Variants in CPB2 observed in about 807,000 individuals in gnomAD.
CPB2 encodes carboxypeptidase B2.
A neutral mutation model predicts 57.0 loss-of-function variants in CPB2; 54 were observed. The ratio of observed to expected loss-of-function variants is 0.95; its 90% CI spans 0.76 to 1.19. CPB2 has a LOEUF of 1.19. CPB2 is among the 50% of genes most tolerant of loss of function. The pLI, the probability that CPB2 is intolerant of heterozygous loss-of-function variation, is 0.00. For missense variants in CPB2, 426 were observed against 512.0 expected (o/e 0.83, Z 1.62); for synonymous variants, 189 against 178.1 (o/e 1.06, Z -0.49).
chr13:46,102,715 G>A (rs1271125275), intron 1 of CPB2, among the ~76,000 whole-genome samples: 2 of 151,562 alleles, frequency 1.3e-5, no homozygotes, highest in Non-Finnish European at 2.9e-5. Flanking sequence ...TCCTGGAAAA[G>A]TGGAGCACAG....
chr13:46,057,415 A>G (rs1023041318), intron 9 of CPB2, among the ~76,000 whole-genome samples: 26 of 152,306 alleles, frequency 1.7e-4, no homozygotes, highest in Admixed American at 6.5e-4. Flanking sequence ...AGAAAAAAAA[A>G]TGAGTCACTA....
At chr13:46,090,306 T>A (rs2045272611) in intron 1 of CPB2, among the ~76,000 whole-genome samples, 1 of 151,968 alleles carries the variant, frequency 6.6e-6, no homozygotes, top group Admixed American at 6.6e-5. Flanking sequence ...ACAGATATAC[T>A]CATGATTCTG....
intron 5 of CPB2, among the ~76,000 whole-genome samples, chr13:46,076,187 TGGAA>T (rs1423843466): frequency 6.6e-6 from 1 of 152,058 alleles, no homozygotes; most frequent in Non-Finnish European, 1.5e-5. Flanking sequence ...GCATCTAAAT[TGGAA>T]GGGAAAAATC....
chr13:46,078,170 G>A (rs2045053217), intron 5 of CPB2, among the ~76,000 whole-genome samples: 1 of 151,626 alleles, frequency 6.6e-6, no homozygotes, highest in African/African-American at 2.4e-5. Context: ...AGGAGGGAGG[G>A]AGAAAAAAAA....
In CPB2 at chr13:46,055,806, C is replaced by A. The variant is rs1214952839; in HGVS notation, c.1043G>T (p.Ser348Ile). ...GCCATGTGTATACCTGGTATTTTTACTAATTTTCTCAATAGCACGAACTGC... is the reference window on the plus strand; with the variant it reads ...GCCATGTGTATACCTGGTATTTTTAATAATTTTCTCAATAGCACGAACTGC... ...SEAVRAIEKI[S>I]KNTRYTHGHG... is the part of the protein sequence containing the mutation. The change falls in exon 10 of 11, where the codon AGT becomes ATT. Residue 348 changes from serine to isoleucine, a missense_variant. Ser to Ile is a moderately radical substitution (Grantham distance 142). Transcript: ENST00000181383. 1 of 1,604,334 alleles carries A rather than the reference C, an allele frequency of 6.2e-7. No individual in the cohort carries two copies. The highest frequency in any genetic ancestry group is 1.3e-5 in the African/African-American group (1 of 74,648).
At chr13:46,053,926 A>G (rs1018415392) in intron 10 of CPB2, 128 bp from the exon 11 acceptor site, 1 of 840,888 alleles carries the variant, frequency 1.2e-6, no homozygotes, top group Non-Finnish European at 1.8e-6. Context: ...TAACTAATAT[A>G]AACAACTTTA....
chr13:46,093,712 C>T (rs913156933), intron 1 of CPB2, among the ~76,000 whole-genome samples: 38 of 152,042 alleles, frequency 2.5e-4, no homozygotes, highest in Non-Finnish European at 4.6e-4. Context: ...ATAAACAACA[C>T]ATTGTTAGCT....
chr13:46,078,906 C>A lies in CPB2; in HGVS notation c.385-5G>T. The A allele has an allele frequency of 6.3e-7, 1 of 1,576,910 alleles. No homozygotes were observed. The highest frequency in any genetic ancestry group is 2.2e-5 in the East Asian group (1 of 44,674). On this transcript the variant is annotated splice_polypyrimidine_tract_variant and splice_region_variant and intron_variant, in intron 4 of 10. Coordinates refer to ENST00000181383, the MANE Select transcript of CPB2 (RefSeq NM_001872.5). ...AAATTCTATCCAAGAATAGATCTAG[C>A]AAAATGGAAACCAGAGGTTAGTCAC... is the stretch of plus-strand genomic sequence containing the variant.
intron 9 of CPB2, 26 bp downstream of exon 9, chr13:46,058,153 G>C: frequency 6.3e-7 from 1 of 1,584,832 alleles, no homozygotes; most frequent in South Asian, 1.1e-5. Context: ...AAATGCTAAT[G>C]AGAAAAATAA....
chr13:46,063,974 G>A (rs948366135), intron 8 of CPB2, among the ~76,000 whole-genome samples: 2 of 151,996 alleles, frequency 1.3e-5, no homozygotes, highest in African/African-American at 4.8e-5. Flanking sequence ...AAAAATGAGG[G>A]GTCCAGGCCA....
chr13:46,078,232 T>G (rs769693212), intron 5 of CPB2, among the ~76,000 whole-genome samples: 4 of 152,174 alleles, frequency 2.6e-5, no homozygotes, highest in African/African-American at 9.7e-5. Flanking sequence ...TTTTTAAAAA[T>G]TAACATCAAA....
At chr13:46,098,113 A>T (rs183015917) in intron 1 of CPB2, among the ~76,000 whole-genome samples, 1 of 152,314 alleles carries the variant, frequency 6.6e-6, no homozygotes, top group East Asian at 1.9e-4. Flanking sequence ...GGCGTTCTGT[A>T]ATATTCCCTT....
At chr13:46,085,278 C>T (rs568589632) in intron 2 of CPB2, among the ~76,000 whole-genome samples, 3 of 152,272 alleles carry the variant, frequency 2.0e-5, no homozygotes, top group Admixed American at 2.0e-4. Context: ...AAATCATACA[C>T]CTAGAAATGA....
intron 1 of CPB2, 55 bp downstream of exon 1, chr13:46,104,881 G>T: frequency 3.7e-6 from 6 of 1,605,894 alleles, no homozygotes; most frequent in African/African-American, 1.3e-5. Flanking sequence ...GACACGACAT[G>T]AGGCAAACAA....
intron 6 of CPB2, 39 bp from the exon 7 acceptor site, chr13:46,067,456 A>T (rs1203824184): frequency 1.0e-6 from 1 of 1,002,860 alleles, no homozygotes; most frequent in East Asian, 2.4e-5. Context: ...AGATGTTTTA[A>T]GTTCTTCTAA....
intron 3 of CPB2, among the ~76,000 whole-genome samples, 165 bp from the exon 4 acceptor site, chr13:46,082,714 G>A (rs2045138359): frequency 6.6e-6 from 1 of 152,146 alleles, no homozygotes; most frequent in Non-Finnish European, 1.5e-5. Flanking sequence ...GTGGTAAACT[G>A]GTTGACAAAC....
intron 1 of CPB2, among the ~76,000 whole-genome samples, chr13:46,088,144 T>C (rs968498270): frequency 2.0e-5 from 3 of 152,184 alleles, no homozygotes; most frequent in Admixed American, 1.3e-4. Context: ...TTTATGCTGA[T>C]CCTAGTTAAT....
At chr13:46,087,154 C>A (rs2045221264) in intron 2 of CPB2, among the ~76,000 whole-genome samples, 1 of 152,148 alleles carries the variant, frequency 6.6e-6, no homozygotes, top group Admixed American at 6.5e-5. Flanking sequence ...TCTGTAGCTG[C>A]AGCGGGCAGC....
At chr13:46,075,507 C>G (rs913846655) in intron 5 of CPB2, among the ~76,000 whole-genome samples, 12 of 152,212 alleles carry the variant, frequency 7.9e-5, no homozygotes, top group Non-Finnish European at 1.8e-4. Context: ...GTTCCAAGGA[C>G]TACACACAAC....
Sources: allele counts gnomAD v4.1 joint callset (sites outside exome capture counted in the v4.1 genomes callset), GRCh38; gene constraint gnomAD v4.1.1; transcripts MANE v1.5; gene names NCBI Gene and HGNC (gene_info 2026-07-23, HGNC 2026-07-21).